Variants in RNF152 observed in about 807,000 individuals in gnomAD.
RNF152 encodes E3 ubiquitin-protein ligase RNF152.
RNF152 carries 11 observed loss-of-function variants against 12.7 expected under a neutral mutation model. The observed-to-expected ratio is 0.86, with a 90% CI of 0.54 to 1.43. RNF152 has a LOEUF of 1.43. RNF152 is among the 40% of genes most tolerant of loss of function. RNF152 has a pLI of 0.00. For missense variants in RNF152, 255 were observed against 274.8 expected (o/e 0.93, Z 0.51); for synonymous variants, 113 against 120.3 (o/e 0.94, Z 0.40).
chr18:61,845,920 T>TGGG (rs139879390), intron 1 of RNF152, among the ~76,000 whole-genome samples: 1 of 149,502 alleles, frequency 6.7e-6, no homozygotes, highest in African/African-American at 2.4e-5. Flanking sequence ...GGGCTTTGTG[T>TGGG]GGGGGGGCGT....
At position 61,816,306 on chromosome 18, in the gene RNF152, C is replaced by T; in HGVS notation, c.158G>A (p.Trp53Ter). The T allele has an allele frequency of 6.2e-7, 1 of 1,614,206 alleles. No individual in the cohort carries two copies. Among genetic ancestry groups the T allele is most frequent in the Non-Finnish European group, 8.5e-7 (1 of 1,180,032 alleles). ...RTSQKDVRCP[W>*]CRGVTKLPPG... ...AGGCAGCTTGGTGACACCGCGGCAC[C>T]AGGGGCACCGCACATCCTTCTGGCT... is the stretch of plus-strand genomic sequence containing the variant. The change falls in exon 2 of 2, where the codon TGG becomes TAG. Residue 53 changes from tryptophan (W) to a stop codon, truncating the protein, a stop_gained. Coordinates refer to ENST00000312828, the MANE Select transcript of RNF152 (RefSeq NM_173557.3). LOFTEE classifies it high-confidence loss of function.
intron 1 of RNF152, among the ~76,000 whole-genome samples, chr18:61,839,179 T>C (rs80235039): frequency 0.034 from 5,139 of 152,232 alleles, 288 homozygotes; most frequent in African/African-American, 0.12. Context: ...AGTACAGTCA[T>C]TAAAATCGGG....
intron 1 of RNF152, among the ~76,000 whole-genome samples, chr18:61,881,000 G>A (rs1207120791): frequency 4.7e-5 from 7 of 148,438 alleles, no homozygotes; most frequent in African/African-American, 7.4e-5. Context: ...TGCAACCTCC[G>A]CCTCTGGGGT....
At chr18:61,868,304 G>A (rs1032448875) in intron 1 of RNF152, among the ~76,000 whole-genome samples, 5 of 152,194 alleles carry the variant, frequency 3.3e-5, no homozygotes, top group African/African-American at 1.2e-4. Flanking sequence ...CTCAAGAGCA[G>A]CTACACTGCT....
intron 1 of RNF152, among the ~76,000 whole-genome samples, chr18:61,836,968 A>G (rs1910217091): frequency 6.6e-6 from 1 of 152,342 alleles, no homozygotes; most frequent in Admixed American, 6.5e-5. Context: ...CAGCTCACAG[A>G]TTGCTTACTA....
At chr18:61,843,885 G>A (rs1910565203) in intron 1 of RNF152, among the ~76,000 whole-genome samples, 1 of 151,864 alleles carries the variant, frequency 6.6e-6, no homozygotes. Flanking sequence ...GGAAGTTATG[G>A]TTGTACAACA....
intron 1 of RNF152, among the ~76,000 whole-genome samples, chr18:61,818,086 A>G (rs149844349): frequency 2.5e-3 from 388 of 152,266 alleles, no homozygotes; most frequent in Non-Finnish European, 4.6e-3. Context: ...GCACTCCCCC[A>G]TCATGATATA....
chr18:61,819,502 A>G (rs1021934064), intron 1 of RNF152, among the ~76,000 whole-genome samples: 4 of 152,244 alleles, frequency 2.6e-5, no homozygotes, highest in African/African-American at 7.2e-5. Flanking sequence ...TGATTAGGAC[A>G]GAATGATGAG....
At chr18:61,865,629 C>T (rs1323645948) in intron 1 of RNF152, among the ~76,000 whole-genome samples, 1 of 152,108 alleles carries the variant, frequency 6.6e-6, no homozygotes, top group African/African-American at 2.4e-5. Flanking sequence ...GCTTCCATCC[C>T]GTTGTGGAAT....
At chr18:61,869,288 C>T (rs550131903) in intron 1 of RNF152, among the ~76,000 whole-genome samples, 2 of 152,334 alleles carry the variant, frequency 1.3e-5, no homozygotes, top group East Asian at 3.9e-4. Context: ...CAGGGGTCTT[C>T]TTCCAATCAT....
At chr18:61,864,223 C>A (rs1275447780) in intron 1 of RNF152, among the ~76,000 whole-genome samples, 1 of 152,180 alleles carries the variant, frequency 6.6e-6, no homozygotes, top group East Asian at 1.9e-4. Context: ...CCATTTCAGA[C>A]ACCAAGCATA....
In RNF152 at chr18:61,821,430, C is replaced by T. The variant is rs58154775; in HGVS notation, c.-135-4832G>A. ...AGCGTAATTAGTAATGATGATGATT[C>T]GTTAGGTAAAGAGAAGGAAATTTAT... On this transcript the variant is annotated intron_variant, in intron 1 of 1. Transcript: ENST00000312828. Among the ~76,000 whole-genome samples the T allele has an allele frequency of 2.5e-3, 375 of 152,138 alleles. 1 individual carries two copies. The highest frequency in any genetic ancestry group is 8.5e-3 in the African/African-American group (353 of 41,504).
chr18:61,860,667 G>C (rs181612929), intron 1 of RNF152, among the ~76,000 whole-genome samples: 156 of 152,296 alleles, frequency 1.0e-3, no homozygotes, highest in African/African-American at 3.5e-3. Context: ...CAGTATTTTA[G>C]AGTGTACTCC....
At chr18:61,845,926 G>T (rs573814600) in intron 1 of RNF152, among the ~76,000 whole-genome samples, 193 of 151,648 alleles carry the variant, frequency 1.3e-3, no homozygotes, top group African/African-American at 3.9e-3. Context: ...TGTGTGGGGG[G>T]GCGTGGTGAT....
chr18:61,845,753 T>G (rs888757054), intron 1 of RNF152, among the ~76,000 whole-genome samples: 1 of 152,184 alleles, frequency 6.6e-6, no homozygotes, highest in African/African-American at 2.4e-5. Flanking sequence ...TACTCCTCAT[T>G]GAAACCCTCC....
chr18:61,874,255 A>G (rs1181504420), intron 1 of RNF152, among the ~76,000 whole-genome samples: 1 of 152,248 alleles, frequency 6.6e-6, no homozygotes, highest in Non-Finnish European at 1.5e-5. Flanking sequence ...TGAACTGACC[A>G]AAGAGAAGAA....
intron 1 of RNF152, among the ~76,000 whole-genome samples, chr18:61,853,036 T>G (rs1417630671): frequency 6.6e-6 from 1 of 152,258 alleles, no homozygotes; most frequent in Non-Finnish European, 1.5e-5. Flanking sequence ...GTAACATCTA[T>G]GTAGCACTTT....
chr18:61,820,401 T>C (rs1599261814), intron 1 of RNF152, among the ~76,000 whole-genome samples: 1 of 124,250 alleles, frequency 8.0e-6, no homozygotes, highest in African/African-American at 3.0e-5. Flanking sequence ...TCCAAGGTAA[T>C]ACATTTTTTT....
intron 1 of RNF152, among the ~76,000 whole-genome samples, chr18:61,876,450 G>A (rs751498635): frequency 2.0e-5 from 3 of 151,962 alleles, no homozygotes; most frequent in Non-Finnish European, 4.4e-5. Context: ...AGTACACTCA[G>A]CCCACAAAAA....
Sources: gnomAD v4.1 joint callset for allele counts (sites outside exome capture counted in the v4.1 genomes callset) on GRCh38, gnomAD v4.1.1 for gene constraint, MANE v1.5 for transcripts, NCBI Gene and HGNC (gene_info 2026-07-23, HGNC 2026-07-21) for gene names.